Variants in CYTH1 observed in about 807,000 individuals in gnomAD.
CYTH1 encodes cytohesin-1.
In CYTH1, 18 loss-of-function variants were observed where a neutral mutation model predicts 61.8. The observed-to-expected ratio is 0.29, with a 90% CI of 0.20 to 0.43. The LOEUF is 0.43. Ranked by LOEUF, CYTH1 falls within the 20% of genes least tolerant of loss-of-function variation. The pLI is 1.00. For missense variants in CYTH1, 336 were observed against 510.5 expected (o/e 0.66, Z 3.29); for synonymous variants, 174 against 184.3 (o/e 0.94, Z 0.45).
At position 78,700,606 on chromosome 17, in the gene CYTH1, C is replaced by T. The variant is rs2144293206; in HGVS notation, c.438-163G>A. 6.6e-6 allele frequency among the ~76,000 whole-genome samples: 1 copy of T among 152,026 alleles called. No individual in the cohort carries two copies. Among genetic ancestry groups the T allele is most frequent in the South Asian group, 2.1e-4 (1 of 4,800 alleles). ...GTGGCGTGATCTTGGCTCACTGCAACCTCTGCCTGCCGGGTTCAGGCAATC... is the reference window on the plus strand; with the variant it reads ...GTGGCGTGATCTTGGCTCACTGCAATCTCTGCCTGCCGGGTTCAGGCAATC... On this transcript the variant is annotated intron_variant, in intron 6 of 13. Coordinates refer to ENST00000446868, the MANE Select transcript of CYTH1 (RefSeq NM_004762.6). The surrounding 1 kb of genome is among the most constrained non-coding windows in gnomAD (Gnocchi z 5.1).
intron 10 of CYTH1, among the ~76,000 whole-genome samples, chr17:78,693,109 G>C (rs568354833): frequency 6.6e-6 from 1 of 152,234 alleles, no homozygotes; most frequent in South Asian, 2.1e-4. Flanking sequence ...AAAATCTCCC[G>C]GGTCCTGGGT....
At chr17:78,687,956 A>C (rs970672320) in intron 11 of CYTH1, among the ~76,000 whole-genome samples, 2 of 152,242 alleles carry the variant, frequency 1.3e-5, no homozygotes, top group Admixed American at 1.3e-4. Context: ...GTATCACAGA[A>C]GCCGTGTGTG....
At chr17:78,712,382 G>A (rs979209533) in intron 1 of CYTH1, among the ~76,000 whole-genome samples, 2 of 152,082 alleles carry the variant, frequency 1.3e-5, no homozygotes, top group Non-Finnish European at 2.9e-5. Flanking sequence ...GCTGCATGCG[G>A]TGGCTCACAC....
intron 1 of CYTH1, among the ~76,000 whole-genome samples, chr17:78,748,323 G>A (rs899875228): frequency 6.6e-6 from 1 of 152,240 alleles, no homozygotes; most frequent in Admixed American, 6.5e-5. Context: ...GTCAGCTGGT[G>A]TAAGTATTGA....
At chr17:78,701,920 GGCTGAACAAGCAA>G (rs1423758147) in intron 5 of CYTH1, among the ~76,000 whole-genome samples, 169 bp from the exon 6 acceptor site, 1 of 152,134 alleles carries the variant, frequency 6.6e-6, no homozygotes, top group African/African-American at 2.4e-5. Context: ...TCTGCTGACT[GGCTGAACAAGCAA>G]GATGTCTCCA....
chr17:78,738,025 A>G (rs2093328070), intron 1 of CYTH1, among the ~76,000 whole-genome samples: 1 of 152,154 alleles, frequency 6.6e-6, no homozygotes, highest in Non-Finnish European at 1.5e-5. Flanking sequence ...CCAGTCCCAT[A>G]TTGTAAGACT....
intron 1 of CYTH1, among the ~76,000 whole-genome samples, chr17:78,781,181 A>AAAAAAAG (rs1555618370): frequency 6.0e-5 from 9 of 150,840 alleles, no homozygotes; most frequent in African/African-American, 2.2e-4. Flanking sequence ...AAAAAAAAAA[A>AAAAAAAG]AAAAAGAAAA....
At chr17:78,687,294 T>C (rs2092826500) in intron 11 of CYTH1, among the ~76,000 whole-genome samples, 1 of 152,016 alleles carries the variant, frequency 6.6e-6, no homozygotes, top group Non-Finnish European at 1.5e-5. Flanking sequence ...TTGGCTGCTG[T>C]CACTGCAGAA....
At chr17:78,682,778 C>T (rs1039436063) in intron 11 of CYTH1, among the ~76,000 whole-genome samples, 5 of 152,196 alleles carry the variant, frequency 3.3e-5, no homozygotes. Context: ...GCTTTGCACA[C>T]GACTGCCGTC....
Position 78,717,671 on chromosome 17 carries a change from C to T in CYTH1, c.23-7939G>A, listed in dbSNP as rs1282234020. Among the ~76,000 whole-genome samples, 1 of 152,102 alleles carries T rather than the reference C, an allele frequency of 6.6e-6. No individual in the cohort carries two copies. The highest frequency in any genetic ancestry group is 2.4e-5 in the African/African-American group (1 of 41,426). ...AGTCTAAAATCCTGCAACCCGCGCT[C>T]CACCGGCCACAGGCAGATGCCCGGG... On this transcript the variant is annotated intron_variant, in intron 1 of 13. Coordinates refer to ENST00000446868, the MANE Select transcript of CYTH1 (RefSeq NM_004762.6). The surrounding 1 kb of genome is among the most constrained non-coding windows in gnomAD (Gnocchi z 4.4).
intron 1 of CYTH1, among the ~76,000 whole-genome samples, chr17:78,760,745 C>CT (rs1389855506): frequency 6.6e-6 from 1 of 151,408 alleles, no homozygotes; most frequent in Admixed American, 6.6e-5. Flanking sequence ...GCATCATATA[C>CT]TTATCTTTCT....
At chr17:78,749,214 C>T (rs1460712586) in intron 1 of CYTH1, among the ~76,000 whole-genome samples, 1 of 152,154 alleles carries the variant, frequency 6.6e-6, no homozygotes. Flanking sequence ...CCAGCCAGCA[C>T]TTTGGGAGGC....
intron 7 of CYTH1, 73 bp from the exon 8 acceptor site, chr17:78,699,041 A>G: frequency 2.6e-6 from 4 of 1,544,970 alleles, no homozygotes; most frequent in Non-Finnish European, 2.6e-6. Context: ...CCGCAAGAGC[A>G]AGAGTGGTAT....
intron 1 of CYTH1, among the ~76,000 whole-genome samples, chr17:78,767,527 A>G (rs1255615277): frequency 1.3e-5 from 2 of 152,210 alleles, no homozygotes; most frequent in Non-Finnish European, 2.9e-5. Flanking sequence ...AAAAGTCTGA[A>G]CAAACGGATG....
chr17:78,678,419 C>T lies in CYTH1; in HGVS notation c.1118+1771G>A, dbSNP rs1394314611. 3.3e-5 allele frequency: 5 copies of T among 152,316 alleles called. No individual in the cohort carries two copies. In the East Asian group the frequency reaches 7.7e-4, roughly 24 times the overall value. The allele number at this position is 152,316 out of a possible 1,614,324, so 9.4% of individuals were successfully genotyped here. ...TGAAGCGTGGTGGGGGAGCTGGGTACACTCTAAGGAGAGCATATGAAGTCA... is the reference window on the plus strand; with the variant it reads ...TGAAGCGTGGTGGGGGAGCTGGGTATACTCTAAGGAGAGCATATGAAGTCA... On this transcript the variant is annotated intron_variant, in intron 13 of 13. Coordinates refer to ENST00000446868, the MANE Select transcript of CYTH1 (RefSeq NM_004762.6).
At chr17:78,692,902 G>A (rs2092902896) in intron 10 of CYTH1, among the ~76,000 whole-genome samples, 1 of 152,160 alleles carries the variant, frequency 6.6e-6, no homozygotes, top group Non-Finnish European at 1.5e-5. Flanking sequence ...CTACTGACAA[G>A]CAGCCCGGCA....
intron 1 of CYTH1, among the ~76,000 whole-genome samples, chr17:78,742,942 C>T (rs1397357366): frequency 6.6e-6 from 1 of 152,176 alleles, no homozygotes. Flanking sequence ...TTAAAACACA[C>T]GCCAACTAGA....
Position 78,736,646 on chromosome 17 carries a change from C to A in CYTH1, c.23-26914G>T, listed in dbSNP as rs201078980. Reference sequence around the variant, plus strand: ...GATACCTAAAACTCCACTCCATATACCCCAAGCCGCATCAGTCCCGGCCGG... The same window carrying A: ...GATACCTAAAACTCCACTCCATATAACCCAAGCCGCATCAGTCCCGGCCGG... On this transcript the variant is annotated intron_variant, in intron 1 of 13. Transcript: ENST00000446868. 4.2e-4 allele frequency: 139 copies of A among 333,450 alleles called. 2 individuals are homozygous for A. In the Middle Eastern group the frequency reaches 0.019, roughly 45 times the overall value. 20.7% of individuals were successfully genotyped at this position (333,450 alleles called of 1,614,324 possible).
chr17:78,705,504 C>G (rs1345377182), intron 3 of CYTH1, among the ~76,000 whole-genome samples: 1 of 152,154 alleles, frequency 6.6e-6, no homozygotes, highest in Non-Finnish European at 1.5e-5. Context: ...AAGTGAAATC[C>G]TGTACTACAT....
Sources: allele counts gnomAD v4.1 joint callset (sites outside exome capture counted in the v4.1 genomes callset), GRCh38; gene constraint gnomAD v4.1.1; non-coding constraint Gnocchi (gnomAD v3.1); transcripts MANE v1.5; gene names NCBI Gene and HGNC (gene_info 2026-07-23, HGNC 2026-07-21).